ROR1: variants seen among roughly 807,000 people sequenced by gnomAD.
ROR1 encodes ROR family WNT receptor 1.
A neutral mutation model predicts 78.8 loss-of-function variants in ROR1; 19 were observed. That is an observed-to-expected ratio of 0.24 (90% CI 0.17 to 0.35). ROR1 has a LOEUF of 0.35. Among genes scored for constraint, ROR1 ranks in the 10% least tolerant of loss-of-function variants. The pLI is 1.00. For synonymous variants in ROR1, 386 were observed against 433.6 expected (o/e 0.89, Z 1.36); for missense variants, 917 against 1,177.8 (o/e 0.78, Z 3.24).
chr1:63,894,616 G>A (rs1357413790), intron 1 of ROR1, among the ~76,000 whole-genome samples: 1 of 152,140 alleles, frequency 6.6e-6, no homozygotes, highest in Non-Finnish European at 1.5e-5. Context: ...TTTGGGACAG[G>A]TGGGTAAGAG....
At chr1:63,887,681 G>A (rs1050043129) in intron 1 of ROR1, among the ~76,000 whole-genome samples, 6 of 152,092 alleles carry the variant, frequency 3.9e-5, no homozygotes, top group African/African-American at 1.4e-4. Flanking sequence ...TCCAAAAAGG[G>A]TTACAGTTCT....
At chr1:64,005,890 A>G (rs1646423365) in intron 1 of ROR1, among the ~76,000 whole-genome samples, 1 of 152,186 alleles carries the variant, frequency 6.6e-6, no homozygotes, top group East Asian at 1.9e-4. Flanking sequence ...GGTTATCTAA[A>G]GGAATGGATC....
At chr1:63,896,088 C>T (rs1251932548) in intron 1 of ROR1, among the ~76,000 whole-genome samples, 1 of 152,122 alleles carries the variant, frequency 6.6e-6, no homozygotes, top group Non-Finnish European at 1.5e-5. Context: ...TTGAGTCTTT[C>T]ATTCACAATG....
At chr1:63,838,105 G>A (rs1440409986) in intron 1 of ROR1, among the ~76,000 whole-genome samples, 2 of 152,182 alleles carry the variant, frequency 1.3e-5, no homozygotes, top group East Asian at 3.9e-4. Context: ...CCAGTTATAT[G>A]CAGTATACCT....
rs546230764 is a variant in ROR1, at chr1:63,994,222, T to C, written c.92-15083T>C. Among the ~76,000 whole-genome samples, 13 of 152,274 alleles carry C rather than the reference T, an allele frequency of 8.5e-5. No homozygotes were observed. The Middle Eastern group carries it at 0.017, about 199-fold the overall frequency. ...TTGGATTTTTTTTCTTTCTGATTGG[T>C]AGGAAATTTTGCTTACTATATTGTA... On this transcript the variant is annotated intron_variant, in intron 1 of 8. Transcript: ENST00000371079.
At chr1:63,804,758 T>G (rs1644817872) in intron 1 of ROR1, among the ~76,000 whole-genome samples, 1 of 152,136 alleles carries the variant, frequency 6.6e-6, no homozygotes, top group Non-Finnish European at 1.5e-5. Context: ...CAGAGGGGAA[T>G]GGTTGTGGCC....
chr1:64,130,491 C>T (rs1648874388), intron 4 of ROR1, among the ~76,000 whole-genome samples: 2 of 152,264 alleles, frequency 1.3e-5, no homozygotes, highest in East Asian at 1.9e-4. Context: ...CTCACCCTCC[C>T]CAGCCATCCC....
chr1:63,803,410 A>G (rs1489684023), intron 1 of ROR1, among the ~76,000 whole-genome samples: 2 of 151,282 alleles, frequency 1.3e-5, no homozygotes, highest in South Asian at 2.1e-4. Context: ...GTGGCGCAAT[A>G]TCGGCTCACT....
chr1:64,126,222 C>G (rs1264463868), intron 4 of ROR1, among the ~76,000 whole-genome samples: 1 of 152,126 alleles, frequency 6.6e-6, no homozygotes, highest in Non-Finnish European at 1.5e-5. Context: ...ATAAGCTGTT[C>G]TTTAATACCA....
At chr1:64,136,979 C>G (rs1240455968) in intron 4 of ROR1, among the ~76,000 whole-genome samples, 1 of 152,132 alleles carries the variant, frequency 6.6e-6, no homozygotes, top group African/African-American at 2.4e-5. Flanking sequence ...TTCGCCCACG[C>G]CTTTGTAGCA....
intron 1 of ROR1, among the ~76,000 whole-genome samples, chr1:63,866,105 A>G (rs1039030731): frequency 6.6e-6 from 1 of 152,132 alleles, no homozygotes; most frequent in Non-Finnish European, 1.5e-5. Flanking sequence ...AAGAACTGCC[A>G]CATGTCACCA....
chr1:63,774,438 C>A lies in ROR1; in HGVS notation c.21C>A (p.Arg7=). Residue 7 remains arginine, a synonymous_variant, in exon 1 of 9, where the codon CGC becomes CGA. Coordinates refer to ENST00000371079, the MANE Select transcript of ROR1 (RefSeq NM_005012.4). The surrounding 1 kb of genome is among the most constrained non-coding windows in gnomAD (Gnocchi z 5.7). MHRPRR[R]GTRPPLLALL... is the part of the protein sequence containing the mutation. ...GAGGAATGCACCGGCCGCGCCGCCGCGGGACGCGCCCGCCGCTCCTGGCGC... is the reference window on the plus strand; with the variant it reads ...GAGGAATGCACCGGCCGCGCCGCCGAGGGACGCGCCCGCCGCTCCTGGCGC... The A allele has an allele frequency of 8.5e-7, 1 of 1,176,148 alleles. No individual in the cohort carries two copies. The highest frequency in any genetic ancestry group is 1.0e-6 in the Non-Finnish European group (1 of 957,152). The allele number at this position is 1,176,148 out of a possible 1,614,324, so 72.9% of individuals were successfully genotyped here. A position where few individuals can be genotyped will look rare whatever the true frequency, so the allele number is the denominator to read the frequency against.
chr1:64,090,008 G>C (rs958292960), intron 4 of ROR1, among the ~76,000 whole-genome samples: 8 of 152,034 alleles, frequency 5.3e-5, no homozygotes, highest in Non-Finnish European at 1.5e-5. Flanking sequence ...CCTCTTGCCT[G>C]CCTCCATGTA....
At chr1:64,112,686 A>G (rs933503736) in intron 4 of ROR1, among the ~76,000 whole-genome samples, 7 of 151,786 alleles carry the variant, frequency 4.6e-5, no homozygotes, top group Non-Finnish European at 7.4e-5. Flanking sequence ...TTCCTCTTTC[A>G]ACCTCATATT....
At chr1:64,008,044 C>G (rs1646443722) in intron 1 of ROR1, among the ~76,000 whole-genome samples, 2 of 150,874 alleles carry the variant, frequency 1.3e-5, no homozygotes, top group Non-Finnish European at 2.9e-5. Context: ...TTGCATGATC[C>G]TGAGGTTTGG....
intron 2 of ROR1, among the ~76,000 whole-genome samples, chr1:64,011,534 A>C (rs1646474639): frequency 6.6e-6 from 1 of 152,220 alleles, no homozygotes; most frequent in Admixed American, 6.5e-5. Context: ...TCTAGAACCC[A>C]GCCTGCCAGA....
rs916259152 is a variant in ROR1, at chr1:63,790,232, G to A, written c.91+15724G>A. On this transcript the variant is annotated intron_variant, in intron 1 of 8. Transcript: ENST00000371079. The stretch of plus-strand genomic sequence containing the variant: ...AGTAGGGTCTGGTTCTGGATCTCCT[G>A]AGCCTGGGCCAGTTGAATGGATTCT... Among the ~76,000 whole-genome samples, 5 of 152,320 alleles carry A rather than the reference G, an allele frequency of 3.3e-5. No individual in the cohort carries two copies. In the South Asian group the frequency reaches 6.2e-4, roughly 19 times the overall value.
At chr1:64,010,366 C>CT (rs74685806) in intron 2 of ROR1, among the ~76,000 whole-genome samples, 4,024 of 141,930 alleles carry the variant, frequency 0.028, 60 homozygotes, top group African/African-American at 0.037. Flanking sequence ...TTCTATCTTA[C>CT]TTTTTTTTTT....
intron 1 of ROR1, among the ~76,000 whole-genome samples, chr1:63,996,507 A>G (rs190850685): frequency 1.8e-4 from 28 of 152,296 alleles, no homozygotes; most frequent in African/African-American, 6.3e-4. Flanking sequence ...CCAGGCTAAT[A>G]TGGCTGGAGC....
Sources: allele counts gnomAD v4.1 joint callset (sites outside exome capture counted in the v4.1 genomes callset), GRCh38; gene constraint gnomAD v4.1.1; non-coding constraint Gnocchi (gnomAD v3.1); transcripts MANE v1.5; gene names NCBI Gene and HGNC (gene_info 2026-07-23, HGNC 2026-07-21).